Variants in NRXN1 observed in about 807,000 individuals in gnomAD.
NRXN1 encodes the protein neurexin 1.
NRXN1 carries 39 observed loss-of-function variants against 150.9 expected under a neutral mutation model. That is an observed-to-expected ratio of 0.26 (90% confidence interval 0.20 to 0.34). The LOEUF (loss-of-function observed/expected upper bound fraction) is 0.34, where lower values mean the gene tolerates loss of function less well. Ranked by LOEUF, NRXN1 falls within the 10% of genes least tolerant of loss-of-function variation. The probability of loss-of-function intolerance (pLI) is 1.00; values close to 1 mark genes in which losing one functional copy is unlikely to be tolerated. For synonymous variants in NRXN1, 924 were observed against 757.0 expected, an observed-to-expected ratio of 1.22 and a Z score of -3.62; for missense variants, 1,815 against 1,949.9, an observed-to-expected ratio of 0.93 and a Z score of 1.30.
chr2:50,525,509 C>T (rs2092926755), intron 12 of NRXN1, among the ~76,000 whole-genome samples: 1 of 152,150 alleles, frequency 6.6e-6, no homozygotes, highest in Non-Finnish European at 1.5e-5. Flanking sequence ...TCTGTGCTCA[C>T]CTTGCAGCCC....
At chr2:50,792,291 TAC>T (rs556245246) in intron 5 of NRXN1, among the ~76,000 whole-genome samples, 16 of 152,036 alleles carry the variant, frequency 1.1e-4, no homozygotes, top group Non-Finnish European at 2.1e-4. Context: ...GGAAAGAAAA[TAC>T]AGACTATATT....
At chr2:50,743,904 C>T (rs1307114143) in intron 5 of NRXN1, among the ~76,000 whole-genome samples, 1 of 152,070 alleles carries the variant, frequency 6.6e-6, no homozygotes, top group African/African-American at 2.4e-5. Context: ...AGAAAGTTTC[C>T]TCCTTCATAG....
At chr2:50,491,388 A>G (rs139424173) in intron 15 of NRXN1, among the ~76,000 whole-genome samples, 293 of 152,328 alleles carry the variant, frequency 1.9e-3, no homozygotes, top group Admixed American at 4.7e-3. Context: ...GAGGTTGAGT[A>G]TATTTGAAAA....
At chr2:50,933,444 A>G (rs1049461244) in intron 2 of NRXN1, among the ~76,000 whole-genome samples, 6 of 152,136 alleles carry the variant, frequency 3.9e-5, no homozygotes, top group African/African-American at 1.4e-4. Context: ...GGAACTGAGC[A>G]GCAAATTATA....
intron 18 of NRXN1, chr2:50,207,617 G>C (rs1326644930): frequency 6.0e-6 from 1 of 167,562 alleles, no homozygotes; most frequent in African/African-American, 2.4e-5. Context: ...ACTTGACTTT[G>C]AATCAAATAT....
chr2:50,378,232 C>G (rs996831336), intron 17 of NRXN1, among the ~76,000 whole-genome samples: 1 of 152,114 alleles, frequency 6.6e-6, no homozygotes, highest in Non-Finnish European at 1.5e-5. Context: ...CATAGGCATA[C>G]ATGTTTACAT....
intron 17 of NRXN1, among the ~76,000 whole-genome samples, chr2:50,349,692 C>T (rs955977527): frequency 3.9e-5 from 6 of 152,166 alleles, no homozygotes; most frequent in African/African-American, 1.4e-4. Flanking sequence ...GGATATCATG[C>T]AATATTTAAT....
intron 21 of NRXN1, among the ~76,000 whole-genome samples, chr2:50,010,412 T>G (rs1685463297): frequency 6.6e-6 from 1 of 152,136 alleles, no homozygotes; most frequent in Admixed American, 6.5e-5. Flanking sequence ...CTTTTTAAAA[T>G]ATCCAAGTCA....
At chr2:50,305,171 A>G (rs1186885285) in intron 17 of NRXN1, among the ~76,000 whole-genome samples, 2 of 152,222 alleles carry the variant, frequency 1.3e-5, no homozygotes, top group Non-Finnish European at 2.9e-5. Flanking sequence ...ACCAGCAGGC[A>G]AAACAAGTGA....
chr2:50,087,789 C>G (rs544974076), intron 19 of NRXN1, among the ~76,000 whole-genome samples: 18 of 152,254 alleles, frequency 1.2e-4, no homozygotes, highest in African/African-American at 4.3e-4. Context: ...TCTACCTCTA[C>G]TAATTAGTTT....
At position 50,531,370 on chromosome 2, in the gene NRXN1, A is replaced by T; in HGVS notation, c.2204T>A (p.Met735Lys). The T allele has an allele frequency of 1.2e-6, 2 of 1,613,154 alleles. No individual in the cohort carries two copies. Among genetic ancestry groups the T allele is most frequent in the Non-Finnish European group, 1.7e-6 (2 of 1,179,582 alleles). The change falls in exon 11 of 23, where the codon ATG becomes AAG. Residue 735 changes from methionine to lysine, a missense_variant. Around this residue, in one of 6 missense-constraint regions of NRXN1, gnomAD observed 638 missense variants for 652.6 expected, o/e 0.98. Transcript: ENST00000401669. Reference protein sequence around the residue: ...MFMKIQLPVVMHTEAEDVSLR... With the variant: ...MFMKIQLPVVKHTEAEDVSLR... ...GGAAACATCCTCAGCCTCCGTATGC[A>T]TGACTACGGGGAGCTGAATTTTCAT...
At chr2:50,076,118 T>C (rs1269681998) in intron 19 of NRXN1, among the ~76,000 whole-genome samples, 1 of 152,232 alleles carries the variant, frequency 6.6e-6, no homozygotes, top group Non-Finnish European at 1.5e-5. Flanking sequence ...ATTTGAACTA[T>C]GTCTTTCTTA....
intron 5 of NRXN1, among the ~76,000 whole-genome samples, chr2:50,699,779 C>G (rs998796952): frequency 6.6e-6 from 1 of 152,064 alleles, no homozygotes; most frequent in Non-Finnish European, 1.5e-5. Context: ...ACATGATACT[C>G]AGACTTCTGA....
rs186023614 is a variant in NRXN1 at position 50,965,765 on chromosome 2, G to T, written c.773-39810C>A. 2.6e-3 allele frequency among the ~76,000 whole-genome samples: 386 copies of T among 151,352 alleles called. 7 individuals carry two copies. Among genetic ancestry groups the T allele is most frequent in the Admixed American group, 0.023 (355 of 15,118 alleles). The stretch of plus-strand genomic sequence containing the variant: ...CAAATGAATGCATTAATAATCAAAA[G>T]AAATAAAGAAAACATTATACTATTT... On this transcript the variant is annotated intron_variant, in intron 2 of 22. Transcript: ENST00000401669.
At chr2:50,596,599 T>G (rs899615078) in intron 8 of NRXN1, among the ~76,000 whole-genome samples, 1 of 152,170 alleles carries the variant, frequency 6.6e-6, no homozygotes, top group Non-Finnish European at 1.5e-5. Context: ...TACTGTGTAG[T>G]TCACAGTAAT....
At chr2:50,751,169 G>C (rs545985465) in intron 5 of NRXN1, among the ~76,000 whole-genome samples, 4 of 151,844 alleles carry the variant, frequency 2.6e-5, no homozygotes, top group Non-Finnish European at 5.9e-5. Context: ...TATAGGCTTT[G>C]GATTTAACAC....
chr2:50,833,312 C>G (rs1267614307), intron 5 of NRXN1, among the ~76,000 whole-genome samples: 2 of 152,072 alleles, frequency 1.3e-5, no homozygotes, highest in African/African-American at 2.4e-5. Context: ...CATATGTCCC[C>G]AAGATTCTAC....
At chr2:50,379,188 G>A (rs914377522) in intron 17 of NRXN1, among the ~76,000 whole-genome samples, 5 of 152,158 alleles carry the variant, frequency 3.3e-5, no homozygotes, top group Admixed American at 2.0e-4. Context: ...GAGATGAACA[G>A]AGACTGGACT....
chr2:50,355,391 A>G (rs2078723583), intron 17 of NRXN1, among the ~76,000 whole-genome samples: 1 of 151,788 alleles, frequency 6.6e-6, no homozygotes, highest in African/African-American at 2.4e-5. Flanking sequence ...AGACCTTTTT[A>G]CCAGGTAAAA....
Sources: allele counts gnomAD v4.1 joint callset (sites outside exome capture counted in the v4.1 genomes callset), GRCh38; gene constraint gnomAD v4.1.1; regional missense constraint gnomAD v4.1.1; transcripts MANE v1.5; gene names NCBI Gene and HGNC (gene_info 2026-07-23, HGNC 2026-07-21).